The following PXDNL variants were observed in gnomAD, a reference collection of about 807,000 sequenced individuals.
PXDNL encodes peroxidasin like, also known as probable oxidoreductase PXDNL.
PXDNL carries 145 observed loss-of-function variants against 150.8 expected under a neutral mutation model. The ratio of observed to expected loss-of-function variants is 0.96; its 90% confidence interval spans 0.84 to 1.10. The LOEUF (loss-of-function observed/expected upper bound fraction) is 1.10, where lower values mean the gene tolerates loss of function less well. PXDNL is among the 50% of genes least tolerant of loss of function. The probability of loss-of-function intolerance (pLI) is 0.00; values close to 1 mark genes in which losing one functional copy is unlikely to be tolerated. For missense variants in PXDNL, 2,087 were observed against 1,873.9 expected, an observed-to-expected ratio of 1.11 and a Z score of -2.10; for synonymous variants, 757 against 725.7, an observed-to-expected ratio of 1.04 and a Z score of -0.69.
chr8:51,780,723 G>A (rs1238162940), intron 1 of PXDNL, among the ~76,000 whole-genome samples: 1 of 134,072 alleles, frequency 7.5e-6, no homozygotes, highest in Non-Finnish European at 1.5e-5. Flanking sequence ...GCTGTGGCGC[G>A]ATCTCAGCTC....
At chr8:51,726,935 C>G (rs1416315770) in intron 1 of PXDNL, among the ~76,000 whole-genome samples, 1 of 152,156 alleles carries the variant, frequency 6.6e-6, no homozygotes, top group Non-Finnish European at 1.5e-5. Flanking sequence ...ACTTTCAACC[C>G]TTTTCCTCCA....
At chr8:51,673,821 A>G (rs1464735528) in intron 1 of PXDNL, among the ~76,000 whole-genome samples, 1 of 152,224 alleles carries the variant, frequency 6.6e-6, no homozygotes, top group Non-Finnish European at 1.5e-5. Context: ...GCCTTCAGCA[A>G]TTTAGACTTA....
intron 19 of PXDNL, among the ~76,000 whole-genome samples, chr8:51,346,639 C>A (rs557559956): frequency 6.6e-6 from 1 of 152,132 alleles, no homozygotes; most frequent in Admixed American, 6.5e-5. Context: ...GGCTCCCTCA[C>A]GTCTTTGTGC....
intron 2 of PXDNL, among the ~76,000 whole-genome samples, chr8:51,641,263 C>T: frequency 6.6e-6 from 1 of 151,256 alleles, no homozygotes. Context: ...AGAACAAAAC[C>T]TAGGCATTAC....
At chr8:51,578,005 GGA>G (rs1563471238) in intron 3 of PXDNL, among the ~76,000 whole-genome samples, 45 of 74,894 alleles carry the variant, frequency 6.0e-4, no homozygotes, top group Middle Eastern at 8.8e-3. Context: ...GAAAGAGGAA[GGA>G]AGGAAGGAAG....
intron 8 of PXDNL, among the ~76,000 whole-genome samples, chr8:51,466,294 G>A (rs972683855): frequency 6.6e-6 from 1 of 152,044 alleles, no homozygotes; most frequent in Non-Finnish European, 1.5e-5. Flanking sequence ...ACTAAGCAAT[G>A]GAAAAGGATT....
intron 17 of PXDNL, among the ~76,000 whole-genome samples, chr8:51,396,739 C>A (rs1274129958): frequency 6.6e-6 from 1 of 152,092 alleles, no homozygotes; most frequent in Non-Finnish European, 1.5e-5. Flanking sequence ...GCCTGGGCAA[C>A]AAGAATGAAA....
chr8:51,721,351 T>A (rs1046272951), intron 1 of PXDNL, among the ~76,000 whole-genome samples: 3 of 152,216 alleles, frequency 2.0e-5, no homozygotes, highest in Non-Finnish European at 2.9e-5. Flanking sequence ...GAATTGTGTA[T>A]AAACAAAAAC....
intron 9 of PXDNL, among the ~76,000 whole-genome samples, chr8:51,455,109 C>A (rs1809904852): frequency 9.6e-4 from 1 of 1,046 alleles, no homozygotes; most frequent in Non-Finnish European, 6.1e-3. Flanking sequence ...GAGCGAGACT[C>A]CGTCTCAAAA....
At chr8:51,606,118 T>G (rs1310090480) in intron 2 of PXDNL, among the ~76,000 whole-genome samples, 1 of 152,244 alleles carries the variant, frequency 6.6e-6, no homozygotes, top group Non-Finnish European at 1.5e-5. Flanking sequence ...GATTGTGAAT[T>G]GTGATAAGAT....
Position 51,439,843 on chromosome 8 carries a change from A to AAT in PXDNL, c.1525+7160_1525+7161insAT, listed in dbSNP as rs55776540. ...CCATCTCAAAAAAAAAAAAAAAAAA[A>AAT]GAATTAAAACTAGAACTACCATTTG... is the stretch of plus-strand genomic sequence containing the variant. On this transcript the variant is annotated intron_variant, in intron 12 of 22. Coordinates refer to ENST00000356297, the MANE Select transcript of PXDNL (RefSeq NM_144651.5). 2.0e-5 allele frequency among the ~76,000 whole-genome samples: 3 copies of AAT among 150,632 alleles called. No individual in the cohort carries two copies. The East Asian group carries it at 5.8e-4, about 29-fold the overall frequency.
chr8:51,604,222 C>CA (rs1813793343), intron 2 of PXDNL, among the ~76,000 whole-genome samples: 1 of 152,126 alleles, frequency 6.6e-6, no homozygotes, highest in Non-Finnish European at 1.5e-5. Flanking sequence ...TGGCACTATT[C>CA]ACAATAGCAA....
chr8:51,405,970 G>C (rs1261061805), intron 17 of PXDNL, among the ~76,000 whole-genome samples: 1 of 152,176 alleles, frequency 6.6e-6, no homozygotes, highest in Admixed American at 6.5e-5. Context: ...GGAACAAATA[G>C]AAAGGCTACT....
intron 17 of PXDNL, among the ~76,000 whole-genome samples, chr8:51,388,852 T>C (rs1420177037): frequency 1.3e-5 from 2 of 152,216 alleles, no homozygotes; most frequent in Non-Finnish European, 2.9e-5. Flanking sequence ...GCTGTTTCAC[T>C]AGCTACTGAG....
chr8:51,644,681 T>G (rs1284581737), intron 2 of PXDNL, among the ~76,000 whole-genome samples: 1 of 151,464 alleles, frequency 6.6e-6, no homozygotes. Flanking sequence ...ATGGTCTCGA[T>G]CTCCTGACCT....
intron 19 of PXDNL, among the ~76,000 whole-genome samples, chr8:51,351,987 C>T (rs1806367455): frequency 6.6e-6 from 1 of 152,046 alleles, no homozygotes; most frequent in East Asian, 1.9e-4. Flanking sequence ...ATCACCTTTG[C>T]TGTATTCTGC....
chr8:51,396,262 C>T (rs189330112), intron 17 of PXDNL, among the ~76,000 whole-genome samples: 30 of 152,296 alleles, frequency 2.0e-4, no homozygotes, highest in Middle Eastern at 3.4e-3. Context: ...CACACGCCAA[C>T]GCCAGATACC....
intron 19 of PXDNL, among the ~76,000 whole-genome samples, chr8:51,361,960 A>AAAAAAAAAAAAAAAAAAG (rs1563374211): frequency 7.4e-5 from 11 of 148,890 alleles, no homozygotes; most frequent in African/African-American, 2.8e-4. Flanking sequence ...AAAAAAAAAA[A>AAAAAAAAAAAAAAAAAAG]AAAAAGAAAA....
intron 1 of PXDNL, among the ~76,000 whole-genome samples, chr8:51,710,124 G>A (rs1273901632): frequency 6.6e-6 from 1 of 152,156 alleles, no homozygotes; most frequent in Non-Finnish European, 1.5e-5. Context: ...TGTCTGCTCT[G>A]CTAATCCCTT....
Sources: gnomAD v4.1 joint callset for allele counts (sites outside exome capture counted in the v4.1 genomes callset) on GRCh38, gnomAD v4.1.1 for gene constraint, MANE v1.5 for transcripts, NCBI Gene and HGNC (gene_info 2026-07-23, HGNC 2026-07-21) for gene names.